The following TENM2 variants were observed in gnomAD, a reference collection of about 807,000 sequenced individuals.
TENM2 encodes teneurin transmembrane protein 2.
Under a neutral mutation model 245.2 loss-of-function variants are expected in TENM2, and 52 were observed. The ratio of observed to expected loss-of-function variants is 0.21; its 90% CI spans 0.17 to 0.27. TENM2 has a LOEUF of 0.27. Ranked by LOEUF, TENM2 falls within the 10% of genes least tolerant of loss-of-function variation. The pLI is 1.00. For missense variants in TENM2, 3,046 were observed against 3,666.8 expected, an observed-to-expected ratio of 0.83 and a Z score of 4.37; for synonymous variants, 1,363 against 1,438.9, an observed-to-expected ratio of 0.95 and a Z score of 1.19.
intron 13 of TENM2, among the ~76,000 whole-genome samples, chr5:168,178,533 A>G (rs1477164261): frequency 1.3e-5 from 2 of 152,216 alleles, no homozygotes; most frequent in Non-Finnish European, 2.9e-5. Context: ...AGACTGTGCC[A>G]GAGAGGCCTG....
intron 2 of TENM2, among the ~76,000 whole-genome samples, chr5:167,736,521 C>A (rs1399355626): frequency 6.6e-6 from 1 of 152,050 alleles, no homozygotes; most frequent in South Asian, 2.1e-4. Context: ...GTTTACAAAT[C>A]CTATATTGCT....
chr5:167,802,515 G>T (rs1443363083), intron 2 of TENM2, among the ~76,000 whole-genome samples: 7 of 152,132 alleles, frequency 4.6e-5, no homozygotes, highest in African/African-American at 1.7e-4. Flanking sequence ...AAATAATGTG[G>T]AATCATTCTA....
At chr5:167,978,945 A>G (rs1782636151) in intron 4 of TENM2, among the ~76,000 whole-genome samples, 2 of 152,210 alleles carry the variant, frequency 1.3e-5, no homozygotes, top group South Asian at 2.1e-4. Flanking sequence ...GTCTTCTCCT[A>G]GAAAGGTGCC....
rs113549443 is a variant in TENM2, at chr5:168,165,661, C to G, written c.2569+2904C>G. 2.9e-4 allele frequency among the ~76,000 whole-genome samples: 28 copies of G among 96,314 alleles called. 1 individual carries two copies. The highest frequency in any genetic ancestry group is 4.7e-4 in the Non-Finnish European group (20 of 42,862). 63.2% of individuals were successfully genotyped at this position (96,314 alleles called of 152,430 possible). Reference sequence around the variant, plus strand: ...ATCCCCCCCCCAACCCCCCCCCCCCCCCCGGCTGGCAGAGACAAAGCAGTC... The same window carrying G: ...ATCCCCCCCCCAACCCCCCCCCCCCGCCCGGCTGGCAGAGACAAAGCAGTC... On this transcript the variant is annotated intron_variant, in intron 13 of 28. Transcript: ENST00000518659.
chr5:168,231,378 G>A (rs1764880813), intron 25 of TENM2, among the ~76,000 whole-genome samples: 1 of 152,226 alleles, frequency 6.6e-6, no homozygotes, highest in African/African-American at 2.4e-5. Context: ...ACAGGACAAA[G>A]AATGTCGCCA....
chr5:167,067,581 T>G, the TENM2 span, among the ~76,000 whole-genome samples: 1 of 152,226 alleles, frequency 6.6e-6, no homozygotes, highest in African/African-American at 2.4e-5. Context: ...GAAGTGGTTT[T>G]GGAGGGAATA....
chr5:168,057,633 T>C (rs1187961349), intron 6 of TENM2, among the ~76,000 whole-genome samples: 1 of 152,200 alleles, frequency 6.6e-6, no homozygotes, highest in Non-Finnish European at 1.5e-5. Context: ...CTAAGGATTT[T>C]CTCACCATAT....
intron 7 of TENM2, among the ~76,000 whole-genome samples, chr5:168,083,428 G>A (rs775873081): frequency 6.6e-6 from 1 of 152,162 alleles, no homozygotes; most frequent in Non-Finnish European, 1.5e-5. Flanking sequence ...CCCTGCTTTG[G>A]CGTACACTCT....
At chr5:167,858,276 G>A (rs1388009624) in intron 2 of TENM2, among the ~76,000 whole-genome samples, 1 of 152,248 alleles carries the variant, frequency 6.6e-6, no homozygotes. Flanking sequence ...CATAAGACGA[G>A]GAAGTCTGCA....
At chr5:167,769,087 A>T (rs1199850309) in intron 2 of TENM2, among the ~76,000 whole-genome samples, 2 of 152,138 alleles carry the variant, frequency 1.3e-5, no homozygotes, top group African/African-American at 4.8e-5. Context: ...TTCATGATCC[A>T]CCTCTTAATG....
At chr5:167,879,166 A>T (rs1242336072) in intron 3 of TENM2, among the ~76,000 whole-genome samples, 4 of 152,198 alleles carry the variant, frequency 2.6e-5, no homozygotes, top group African/African-American at 7.2e-5. Context: ...CCTCAAAGCA[A>T]CAACAAAGCT....
intron 2 of TENM2, among the ~76,000 whole-genome samples, chr5:167,488,145 A>T (rs1376472726): frequency 1.3e-5 from 2 of 152,086 alleles, no homozygotes; most frequent in African/African-American, 2.4e-5. Context: ...TTCATCATAA[A>T]TTATTCTGTC....
intron 7 of TENM2, 87 bp downstream of exon 9, chr5:168,062,352 A>G: frequency 3.9e-6 from 4 of 1,016,716 alleles, no homozygotes; most frequent in South Asian, 1.6e-5. Context: ...CACATCCACT[A>G]CAATGCCTAT....
At chr5:166,982,648 G>A in the TENM2 span, among the ~76,000 whole-genome samples, 2 of 152,048 alleles carry the variant, frequency 1.3e-5, no homozygotes, top group African/African-American at 4.8e-5. Context: ...TTTGTGTAAA[G>A]CAACAGTTTT....
the TENM2 span, among the ~76,000 whole-genome samples, chr5:167,095,720 C>T: frequency 6.6e-6 from 1 of 150,912 alleles, no homozygotes; most frequent in African/African-American, 2.4e-5. Context: ...CCTAGGAAAC[C>T]ACTACTCAAA....
At chr5:167,130,912 TA>T in the TENM2 span, among the ~76,000 whole-genome samples, 343 of 118,324 alleles carry the variant, frequency 2.9e-3, 2 homozygotes, top group African/African-American at 9.9e-3. Context: ...TTTTTTTTTT[TA>T]AAAAAAAAAA....
intron 2 of TENM2, among the ~76,000 whole-genome samples, chr5:167,680,762 A>G (rs1582734692): frequency 6.6e-6 from 1 of 152,200 alleles, no homozygotes; most frequent in East Asian, 1.9e-4. Flanking sequence ...TCTACCACGC[A>G]TCCTCGTCAT....
chr5:167,184,630 C>T, the TENM2 span, among the ~76,000 whole-genome samples: 5 of 152,080 alleles, frequency 3.3e-5, no homozygotes, highest in African/African-American at 4.8e-5. Flanking sequence ...TTGAACATAG[C>T]CCAGCTCTGT....
chr5:167,302,752 G>T (rs1007106005), intron 1 of TENM2, among the ~76,000 whole-genome samples: 1 of 152,196 alleles, frequency 6.6e-6, no homozygotes, highest in Middle Eastern at 3.4e-3. Context: ...AAGCGGAGAA[G>T]GGGTATTGAC....
Sources: gnomAD v4.1 joint callset for allele counts (sites outside exome capture counted in the v4.1 genomes callset) on GRCh38, gnomAD v4.1.1 for gene constraint, MANE v1.5 for transcripts, NCBI Gene and HGNC (gene_info 2026-07-23, HGNC 2026-07-21) for gene names.